TBXAS1: variants seen among roughly 807,000 people sequenced by gnomAD.
TBXAS1 encodes thromboxane-A synthase.
Under a neutral mutation model 60.7 loss-of-function variants are expected in TBXAS1, and 48 were observed. The ratio of observed to expected loss-of-function variants is 0.79; its 90% CI spans 0.63 to 1.01. The LOEUF (loss-of-function observed/expected upper bound fraction) is 1.01, where lower values mean the gene tolerates loss of function less well. TBXAS1 is among the 50% of genes least tolerant of loss of function. The pLI is 0.00. For synonymous variants in TBXAS1, 287 were observed against 269.7 expected, an observed-to-expected ratio of 1.06 and a Z score of -0.63; for missense variants, 685 against 686.3, an observed-to-expected ratio of 1.00 and a Z score of 0.02.
intron 4 of TBXAS1, among the ~76,000 whole-genome samples, chr7:139,798,870 G>T (rs958126949): frequency 6.6e-6 from 1 of 152,110 alleles, no homozygotes; most frequent in Non-Finnish European, 1.5e-5. Context: ...TCTAGGATGT[G>T]GCCCATTTGC....
At chr7:139,875,764 T>C (rs1802185598) in intron 3 of TBXAS1, 127 bp downstream of exon 3, 8 of 1,263,100 alleles carry the variant, frequency 6.3e-6, no homozygotes, top group African/African-American at 1.5e-5. Context: ...TGTTTCTATT[T>C]TTCAAAGGGC....
intron 10 of TBXAS1, among the ~76,000 whole-genome samples, chr7:140,010,493 C>A (rs1009944450): frequency 3.3e-5 from 5 of 152,136 alleles, no homozygotes; most frequent in African/African-American, 7.2e-5. Context: ...GAAGGGAAGG[C>A]CCTATTTTCC....
chr7:139,986,532 C>G (rs562127140), intron 9 of TBXAS1, among the ~76,000 whole-genome samples: 4 of 151,354 alleles, frequency 2.6e-5, no homozygotes, highest in Admixed American at 6.6e-5. Context: ...CCTCTCCCCC[C>G]AAGTTTCCAA....
At chr7:139,985,478 T>C (rs1812382332) in intron 9 of TBXAS1, among the ~76,000 whole-genome samples, 1 of 152,230 alleles carries the variant, frequency 6.6e-6, no homozygotes, top group Non-Finnish European at 1.5e-5. Flanking sequence ...TAACCCATTA[T>C]CGGGTTGTCA....
At chr7:139,926,062 G>T (rs542850370) in intron 4 of TBXAS1, among the ~76,000 whole-genome samples, 27 of 152,196 alleles carry the variant, frequency 1.8e-4, no homozygotes, top group Admixed American at 7.2e-4. Context: ...TTTTGCATCA[G>T]TGTTCTTCAG....
At chr7:139,946,740 T>A (rs188370506) in intron 5 of TBXAS1, among the ~76,000 whole-genome samples, 1 of 152,316 alleles carries the variant, frequency 6.6e-6, no homozygotes, top group East Asian at 1.9e-4. Flanking sequence ...TTTTGCATAT[T>A]TTGTTTCTAA....
intron 12 of TBXAS1, among the ~76,000 whole-genome samples, chr7:140,019,367 C>T (rs1024651346): frequency 5.3e-5 from 8 of 152,202 alleles, no homozygotes; most frequent in Admixed American, 3.3e-4. Context: ...CACTTCCCCA[C>T]GATCTCAACA....
At chr7:139,903,174 A>G (rs1804711079) in intron 3 of TBXAS1, among the ~76,000 whole-genome samples, 1 of 152,164 alleles carries the variant, frequency 6.6e-6, no homozygotes, top group African/African-American at 2.4e-5. Context: ...TAGTTCCCAC[A>G]TATCAGTGAG....
At chr7:139,990,724 A>T (rs1585018794) in intron 9 of TBXAS1, among the ~76,000 whole-genome samples, 1 of 123,992 alleles carries the variant, frequency 8.1e-6, no homozygotes, top group African/African-American at 3.2e-5. Flanking sequence ...TACCACTCTC[A>T]TCTGGTTGCC....
In TBXAS1 at chr7:139,805,591, TC is replaced by T. The variant is rs1797825966; in HGVS notation, c.-80+18168del. ...ATCTAGAATGAAAGTCTAGAACACA[TC>T]CCTAGATTTTCTTTCTCTCTCTTTC... On this transcript the variant is annotated intron_variant, in intron 4 of 16. Coordinates refer to the TBXAS1 transcript ENST00000336425. 2.0e-5 allele frequency among the ~76,000 whole-genome samples: 3 copies of T among 152,082 alleles called. No homozygotes were observed. In the South Asian group the frequency reaches 6.2e-4, roughly 32 times the overall value.
At chr7:139,781,024 T>A (rs970210623) in intron 2 of TBXAS1, among the ~76,000 whole-genome samples, 35 of 152,084 alleles carry the variant, frequency 2.3e-4, no homozygotes, top group African/African-American at 8.0e-4. Context: ...TTACAGGTAG[T>A]CTCCTCCCCA....
At position 139,834,633 on chromosome 7, in the gene TBXAS1, G is replaced by A. The variant is rs1295259137; in HGVS notation, c.89+5154G>A. Among the ~76,000 whole-genome samples the A allele has an allele frequency of 3.3e-5, 5 of 152,134 alleles. No homozygotes were observed. The East Asian group carries it at 9.6e-4, about 29-fold the overall frequency. ...ATAACGTCACTGAGAAATGCAACAG[G>A]AGGTATTACAACTGACACCACTAAA... On this transcript the variant is annotated intron_variant, in intron 1 of 12. Transcript: ENST00000448866.
intron 3 of TBXAS1, among the ~76,000 whole-genome samples, chr7:139,905,051 C>CT (rs1272859272): frequency 1.2e-5 from 1 of 84,658 alleles, no homozygotes; most frequent in Non-Finnish European, 2.2e-5. Context: ...TTCTTTCTTT[C>CT]TTTCTTTCTC....
upstream of TBXAS1, among the ~76,000 whole-genome samples, chr7:139,828,123 T>C (rs1255594485): frequency 6.6e-6 from 1 of 152,186 alleles, no homozygotes. Context: ...CAATTATTCT[T>C]AGGTTTGGTC....
intron 1 of TBXAS1, among the ~76,000 whole-genome samples, chr7:139,865,839 A>G (rs1253755993): frequency 1.2e-5 from 1 of 83,776 alleles, no homozygotes; most frequent in Non-Finnish European, 2.2e-5. Flanking sequence ...GAGGGGGGAA[A>G]GGAAGAAGGA....
intron 10 of TBXAS1, among the ~76,000 whole-genome samples, chr7:140,015,215 C>G (rs943508641): frequency 1.3e-5 from 2 of 152,168 alleles, no homozygotes; most frequent in African/African-American, 4.8e-5. Context: ...TGGGGACCAT[C>G]CACAGGAGGG....
intron 4 of TBXAS1, among the ~76,000 whole-genome samples, chr7:139,800,028 C>G (rs535265733): frequency 6.6e-6 from 1 of 152,124 alleles, no homozygotes; most frequent in Non-Finnish European, 1.5e-5. Flanking sequence ...TTAAACAACC[C>G]GTCGGCAAGT....
In TBXAS1 at chr7:139,812,933, T is replaced by C. The variant is rs1011307591; in HGVS notation, c.-79-16379T>C. On this transcript the variant is annotated intron_variant, in intron 4 of 16. Coordinates refer to the TBXAS1 transcript ENST00000336425. ...TTAGCCAGGTGTGGTGGTGGGTGCC[T>C]GTAATCCCAGCTACTCAGGAGACTG... 2.6e-5 allele frequency among the ~76,000 whole-genome samples: 4 copies of C among 152,158 alleles called. No homozygotes were observed. The South Asian group carries it at 8.3e-4, about 32-fold the overall frequency.
intron 4 of TBXAS1, among the ~76,000 whole-genome samples, chr7:139,793,241 A>C (rs1196038860): frequency 3.9e-5 from 6 of 152,032 alleles, no homozygotes; most frequent in African/African-American, 1.5e-4. Context: ...ACATAGTGAA[A>C]CCTTGTCTCT....
Sources: allele counts gnomAD v4.1 joint callset (sites outside exome capture counted in the v4.1 genomes callset), GRCh38; gene constraint gnomAD v4.1.1; transcripts MANE v1.5; gene names NCBI Gene and HGNC (gene_info 2026-07-23, HGNC 2026-07-21).